LRFN1: variants seen among roughly 807,000 people sequenced by gnomAD.
The protein encoded by LRFN1 is leucine-rich repeat and fibronectin type III domain-containing protein 1.
In LRFN1, 20 loss-of-function variants were observed where a neutral mutation model predicts 31.8. That is an observed-to-expected ratio of 0.63 (90% confidence interval 0.44 to 0.91). LRFN1 has a LOEUF of 0.91. Among genes scored for constraint, LRFN1 ranks in the 40% least tolerant of loss-of-function variants. The pLI, the probability that LRFN1 is intolerant of heterozygous loss-of-function variation, is 0.00. For synonymous variants in LRFN1, 514 were observed against 541.3 expected (o/e 0.95, Z 0.70); for missense variants, 912 against 1,129.8 (o/e 0.81, Z 2.76).
Position 39,315,378 on chromosome 19 carries a change from C to G in LRFN1, c.-37-5G>C, listed in dbSNP as rs773630821. 2.8e-6 allele frequency: 4 copies of G among 1,420,992 alleles called. No individual in the cohort carries two copies. Among genetic ancestry groups the G allele is most frequent in the Non-Finnish European group, 3.7e-6 (4 of 1,088,030 alleles). 88.0% of individuals were successfully genotyped at this position (1,420,992 alleles called of 1,614,324 possible). On this transcript the variant is annotated splice_region_variant and splice_polypyrimidine_tract_variant and intron_variant, in intron 3 of 4. Coordinates refer to ENST00000248668, the MANE Select transcript of LRFN1 (RefSeq NM_020862.2). This position sits in a 1 kb window ranked among gnomAD's most constrained non-coding sequence, Gnocchi z 4.7. The stretch of plus-strand genomic sequence containing the variant: ...AGGAGGGGTGGGAGGTGAGACCTGC[C>G]GGGGAAGGAGCCGGTTACCCAGGCG...
At chr19:39,309,444 A>C (rs527667671) in intron 4 of LRFN1, among the ~76,000 whole-genome samples, 2 of 146,766 alleles carry the variant, frequency 1.4e-5, no homozygotes, top group African/African-American at 5.2e-5. Flanking sequence ...ACAAGACCGC[A>C]AGACCGAGAC....
intron 1 of LRFN1, among the ~76,000 whole-genome samples, chr19:39,319,091 C>T (rs1181087356): frequency 1.3e-5 from 2 of 152,206 alleles, no homozygotes; most frequent in Non-Finnish European, 2.9e-5. Context: ...CACCAAAACA[C>T]AAACAGACTC....
chr19:39,315,432 C>G lies in LRFN1; in HGVS notation c.-37-59G>C, dbSNP rs978474414. 12 of 1,185,278 alleles carry G rather than the reference C, an allele frequency of 1.0e-5. No homozygotes were observed. The highest frequency in any genetic ancestry group is 1.4e-5 in the Non-Finnish European group (12 of 874,106). The allele number at this position is 1,185,278 out of a possible 1,614,324, so 73.4% of individuals were successfully genotyped here. ...GACTTGGCCGCCATGGGATGTCCTG[C>G]TACGAGTCAGGCCTGGATCCCTCCC... On this transcript the variant is annotated intron_variant, in intron 3 of 4. Transcript: ENST00000248668. The surrounding 1 kb of genome is among the most constrained non-coding windows in gnomAD (Gnocchi z 4.7).
chr19:39,313,971 C>G lies in LRFN1; in HGVS notation c.1366G>C (p.Val456Leu). Residue 456 changes from valine to leucine, a missense_variant, in exon 4 of 5, where the codon GTT (valine) becomes CTT (leucine). By Grantham distance (32) the Val-to-Leu change is conservative. Around this residue, in one of 2 missense-constraint regions of LRFN1, gnomAD observed 511 missense variants for 557.0 expected, o/e 0.92. Coordinates refer to ENST00000248668, the MANE Select transcript of LRFN1 (RefSeq NM_020862.2). ...TCATCAACGGAACTGTTGTACTGAACCTGGTACATGCGTATTCCGGGCACA... is the reference window on the plus strand; with the variant it reads ...TCATCAACGGAACTGTTGTACTGAAGCTGGTACATGCGTATTCCGGGCACA... ...RPVPGIRMYQ[V>L]QYNSSVDDSL... is the part of the protein sequence containing the mutation. The G allele has an allele frequency of 6.2e-7, 1 of 1,605,336 alleles. No individual in the cohort carries two copies. Among genetic ancestry groups the G allele is most frequent in the South Asian group, 1.1e-5 (1 of 90,994 alleles).
chr19:39,313,758 A>G (rs2075159107), intron 4 of LRFN1, among the ~76,000 whole-genome samples, 173 bp downstream of exon 4: 1 of 152,218 alleles, frequency 6.6e-6, no homozygotes, highest in African/African-American at 2.4e-5. Flanking sequence ...ATAAGCACGA[A>G]AAACAGAGAC....
At chr19:39,313,556 A>C (rs1021976893) in intron 4 of LRFN1, among the ~76,000 whole-genome samples, 5 of 152,102 alleles carry the variant, frequency 3.3e-5, no homozygotes, top group African/African-American at 1.2e-4. Flanking sequence ...AATAAATGTC[A>C]CTGTAAATGT....
rs1463546389 is a variant in LRFN1 at position 39,306,725 on chromosome 19, C to G, written c.*908G>C. ...CTTATGCTGCAATCTAGGTCACCCT[C>G]CCCCAACACACACACACACACACAC... On this transcript the variant is annotated 3_prime_UTR_variant, in exon 5 of 5. Coordinates refer to ENST00000248668, the MANE Select transcript of LRFN1 (RefSeq NM_020862.2). 1 of 125,770 alleles carries G rather than the reference C, an allele frequency of 8.0e-6. No individual in the cohort carries two copies. The highest frequency in any genetic ancestry group is 1.6e-5 in the Non-Finnish European group (1 of 61,744). 7.8% of individuals were successfully genotyped at this position (125,770 alleles called of 1,614,324 possible).
chr19:39,315,183 C>A lies in LRFN1; in HGVS notation c.154G>T (p.Ala52Ser), dbSNP rs774811372. 5 of 1,587,248 alleles carry A rather than the reference C, an allele frequency of 3.2e-6. No individual in the cohort carries two copies. In the Admixed American group the frequency reaches 5.1e-5, roughly 16 times the overall value. ...NVAPTLTMLC[A>S]KTGLLFVPPA... The stretch of plus-strand genomic sequence containing the variant: ...GGCACAAAGAGCAAGCCGGTCTTGG[C>A]GCACAGCATTGTCAGTGTGGGCGCC... Residue 52 changes from alanine to serine, a missense_variant, in exon 4 of 5, where the codon GCC (alanine) becomes TCC (serine). Around this residue, in one of 2 missense-constraint regions of LRFN1, gnomAD observed 401 missense variants for 572.7 expected, o/e 0.70. Transcript: ENST00000248668. The surrounding 1 kb of genome is among the most constrained non-coding windows in gnomAD (Gnocchi z 4.7).
intron 1 of LRFN1, 91 bp from the exon 2 acceptor site, chr19:39,318,449 T>C (rs1348912726): frequency 6.6e-6 from 1 of 152,262 alleles, no homozygotes; most frequent in African/African-American, 2.4e-5. Context: ...GCCAAGGAAG[T>C]CCCTGGTGTG....
In LRFN1 at chr19:39,314,580, G is replaced by T; in HGVS notation, c.757C>A (p.Pro253Thr). The part of the protein sequence containing the change: ...TPLTVSFGGN[P>T]LHCNCELLWL... ...AGCAGCTCGCAGTTGCAGTGCAGGG[G>T]GTTGCCGCCGAAGCTGACGGTCAGC... Residue 253 changes from proline to threonine, a missense_variant, in exon 4 of 5, where the codon CCC becomes ACC. By Grantham distance (38) the Pro-to-Thr change is conservative. Around this residue, in one of 2 missense-constraint regions of LRFN1, gnomAD observed 401 missense variants for 572.7 expected, o/e 0.70. Coordinates refer to ENST00000248668, the MANE Select transcript of LRFN1 (RefSeq NM_020862.2). 6.2e-7 allele frequency: 1 copy of T among 1,609,790 alleles called. No individual in the cohort carries two copies. The highest frequency in any genetic ancestry group is 8.5e-7 in the Non-Finnish European group (1 of 1,178,408).
rs1417904865 is a variant in LRFN1 at position 39,314,189 on chromosome 19, A to G, written c.1148T>C (p.Val383Ala). The G allele has an allele frequency of 6.2e-7, 1 of 1,613,226 alleles. No homozygotes were observed. The highest frequency in any genetic ancestry group is 1.1e-5 in the South Asian group (1 of 91,076). ...AGGCAGAGGTACCACGCACACCTCC[A>G]CGGGCGCCGTCGCTTCCCCAGCAGC... is the stretch of plus-strand genomic sequence containing the variant. ...SNAAGEATAP[V>A]EVCVVPLPLM... Residue 383 changes from valine to alanine, a missense_variant, in exon 4 of 5, where the codon GTG becomes GCG. Val to Ala is a moderately conservative substitution (Grantham distance 64). Coordinates refer to ENST00000248668, the MANE Select transcript of LRFN1 (RefSeq NM_020862.2).
At chr19:39,312,160 G>A (rs897376008) in intron 4 of LRFN1, among the ~76,000 whole-genome samples, 1 of 152,030 alleles carries the variant, frequency 6.6e-6, no homozygotes, top group African/African-American at 2.4e-5. Context: ...ATGAGCCATC[G>A]CGCCCGGCCA....
In LRFN1 at chr19:39,320,811, G is replaced by A. The variant is rs1347798163; in HGVS notation, c.-144C>T. On this transcript the variant is annotated 5_prime_UTR_variant, in exon 1 of 5. Transcript: ENST00000248668. ...CGCTCACCCAGCCCGGGGGGGCCCC[G>A]GGCCCGGCCCCGCCGCCGCTGCCTC... The A allele has an allele frequency of 6.9e-6, 1 of 145,194 alleles. No homozygotes were observed. The highest frequency in any genetic ancestry group is 2.5e-5 in the African/African-American group (1 of 40,032). The allele number at this position is 145,194 out of a possible 1,614,324, so 9.0% of individuals were successfully genotyped here.
intron 4 of LRFN1, among the ~76,000 whole-genome samples, chr19:39,311,581 T>C (rs946619388): frequency 6.6e-6 from 1 of 152,246 alleles, no homozygotes; most frequent in Non-Finnish European, 1.5e-5. Context: ...TGTGTGACCT[T>C]GGGCAAGTGA....
Position 39,314,852 on chromosome 19 carries a change from G to T in LRFN1, c.485C>A (p.Ser162Tyr), listed in dbSNP as rs934524552. Reference sequence around the variant, plus strand: ...GGACAGATCCAGGTCCTCCACGGTGGACAGGAAGGCGTCAAAGGCCGCCGA... The same window carrying T: ...GGACAGATCCAGGTCCTCCACGGTGTACAGGAAGGCGTCAAAGGCCGCCGA... Reference protein sequence around the residue: ...VESAAFDAFLSTVEDLDLSYN... With the variant: ...VESAAFDAFLYTVEDLDLSYN... Residue 162 changes from serine to tyrosine, a missense_variant, in exon 4 of 5, where the codon TCC (serine) becomes TAC (tyrosine). This residue lies in a region of LRFN1 where 401 missense variants were observed against 572.7 expected (regional missense o/e 0.70). Coordinates refer to ENST00000248668, the MANE Select transcript of LRFN1 (RefSeq NM_020862.2). 2 of 1,611,738 alleles carry T rather than the reference G, an allele frequency of 1.2e-6. No homozygotes were observed. The highest frequency in any genetic ancestry group is 1.7e-6 in the Non-Finnish European group (2 of 1,179,044).
intron 1 of LRFN1, among the ~76,000 whole-genome samples, chr19:39,319,721 T>C (rs922096680): frequency 6.6e-6 from 1 of 151,384 alleles, no homozygotes; most frequent in Admixed American, 6.6e-5. Context: ...CCCCACCTAC[T>C]TACTTCCCAG....
Position 39,307,681 on chromosome 19 carries a change from C to T in LRFN1, c.2268G>A (p.Ala756=), listed in dbSNP as rs540610015. Residue 756 remains alanine, a synonymous_variant, in exon 5 of 5, where the codon GCG becomes GCA. Transcript: ENST00000248668. This position sits in a 1 kb window ranked among gnomAD's most constrained non-coding sequence, Gnocchi z 6.7. ...DGDLGLGSAR[A]CLAFTSTEWM... ...ACTCGGTGCTGGTGAAAGCCAGGCA[C>T]GCCCTGGCGGAGCCCAGCCCCAGGT... The T allele has an allele frequency of 1.3e-6, 2 of 1,500,614 alleles. No individual in the cohort carries two copies. Among genetic ancestry groups the T allele is most frequent in the Non-Finnish European group, 1.8e-6 (2 of 1,133,842 alleles). 93.0% of individuals were successfully genotyped at this position (1,500,614 alleles called of 1,614,324 possible). A position where few individuals can be genotyped will look rare whatever the true frequency, so the allele number is the denominator to read the frequency against.
At position 39,315,051 on chromosome 19, in the gene LRFN1, G is replaced by C. The variant is rs1426394986; in HGVS notation, c.286C>G (p.Leu96Val). The C allele has an allele frequency of 1.3e-6, 2 of 1,595,858 alleles. No individual in the cohort carries two copies. The highest frequency in any genetic ancestry group is 1.7e-5 in the Admixed American group (1 of 59,494). ...ACCTGGCCGATGGTGTTCCGGGAGA[G>C]AGTGAGGTGCACCAGGCTGGTCATG... is the stretch of plus-strand genomic sequence containing the variant. ...ANMTSLVHLT[L>V]SRNTIGQVAA... Residue 96 changes from leucine to valine, a missense_variant, in exon 4 of 5, where the codon CTC (leucine) becomes GTC (valine). Around this residue, in one of 2 missense-constraint regions of LRFN1, gnomAD observed 401 missense variants for 572.7 expected, o/e 0.70. Coordinates refer to ENST00000248668, the MANE Select transcript of LRFN1 (RefSeq NM_020862.2). This position sits in a 1 kb window ranked among gnomAD's most constrained non-coding sequence, Gnocchi z 4.7.
In LRFN1 at chr19:39,307,924, G is replaced by T. The variant is rs1211677162; in HGVS notation, c.2025C>A (p.Gly675=). The change falls in exon 5 of 5, where the codon GGC becomes GGA. Residue 675 remains glycine, a synonymous_variant. Coordinates refer to ENST00000248668, the MANE Select transcript of LRFN1 (RefSeq NM_020862.2). This position sits in a 1 kb window ranked among gnomAD's most constrained non-coding sequence, Gnocchi z 6.7. ...GCGCCGAGGTTGGTGGCTCCAGGGC[G>T]CCGGATCGGCTCCTTCGAGGGCCCA... is the stretch of plus-strand genomic sequence containing the variant. ...AAVGPRRSRS[G]ALEPPTSAPP... 5.1e-6 allele frequency: 8 copies of T among 1,566,836 alleles called. 1 individual carries two copies. The South Asian group carries it at 9.2e-5, about 18-fold the overall frequency.
Sources: gnomAD v4.1 joint callset for allele counts (sites outside exome capture counted in the v4.1 genomes callset) on GRCh38, gnomAD v4.1.1 for gene constraint, gnomAD v4.1.1 regional missense constraint, Gnocchi (gnomAD v3.1) non-coding constraint, MANE v1.5 for transcripts, NCBI Gene and HGNC (gene_info 2026-07-23, HGNC 2026-07-21) for gene names.